Variants in MLIP observed in about 807,000 individuals in gnomAD.
The protein encoded by MLIP is muscular LMNA interacting protein.
Under a neutral mutation model 84.8 loss-of-function variants are expected in MLIP, and 79 were observed. The ratio of observed to expected loss-of-function variants is 0.93; its 90% CI spans 0.78 to 1.12. The LOEUF (loss-of-function observed/expected upper bound fraction) is 1.12. Among genes scored for constraint, MLIP ranks in the 50% most tolerant of loss-of-function variants. MLIP has a pLI of 0.00. For synonymous variants in MLIP, 504 were observed against 463.0 expected, an observed-to-expected ratio of 1.09 and a Z score of -1.14; for missense variants, 1,257 against 1,160.6, an observed-to-expected ratio of 1.08 and a Z score of -1.21.
At position 54,139,610 on chromosome 6, in the gene MLIP, A is replaced by C. The variant is rs145507536; in HGVS notation, c.2217+1324A>C. Among the ~76,000 whole-genome samples, 407 of 152,294 alleles carry C rather than the reference A, an allele frequency of 2.7e-3. 3 individuals carry two copies. The highest frequency in any genetic ancestry group is 9.4e-3 in the African/African-American group (389 of 41,572). On this transcript the variant is annotated intron_variant, in intron 4 of 13. Coordinates refer to ENST00000502396, the MANE Select transcript of MLIP (RefSeq NM_001281747.2). ...AGTATACAAAATAGTTGAAAAATTA[A>C]TTAAAATGGATTACATCAGTTAAGT...
chr6:54,240,733 T>C (rs1325769002), intron 12 of MLIP, among the ~76,000 whole-genome samples: 2 of 152,118 alleles, frequency 1.3e-5, no homozygotes, highest in Admixed American at 1.3e-4. Flanking sequence ...TCCCAGCACT[T>C]TGGGAGGCTG....
intron 1 of MLIP, among the ~76,000 whole-genome samples, chr6:54,020,901 A>T (rs2150259322): frequency 6.6e-6 from 1 of 152,324 alleles, no homozygotes; most frequent in East Asian, 1.9e-4. Context: ...AACACATGAA[A>T]GCCCAGTGTC....
intron 3 of MLIP, among the ~76,000 whole-genome samples, chr6:54,132,143 G>C (rs1771433224): frequency 6.6e-6 from 1 of 152,106 alleles, no homozygotes; most frequent in Non-Finnish European, 1.5e-5. Context: ...CAAGTCATTT[G>C]GCTATCCAGA....
intron 11 of MLIP, among the ~76,000 whole-genome samples, chr6:54,208,692 G>A (rs1448138899): frequency 6.6e-6 from 1 of 152,188 alleles, no homozygotes; most frequent in African/African-American, 2.4e-5. Context: ...GACAAGATTA[G>A]CCTGTGTATA....
At chr6:54,242,291 G>A (rs780857771) in intron 12 of MLIP, among the ~76,000 whole-genome samples, 1 of 152,160 alleles carries the variant, frequency 6.6e-6, no homozygotes, top group African/African-American at 2.4e-5. Flanking sequence ...ATTGAAGGTT[G>A]ACTTTCCTTG....
At chr6:54,173,439 A>G (rs905862031) in intron 9 of MLIP, among the ~76,000 whole-genome samples, 7 of 151,930 alleles carry the variant, frequency 4.6e-5, no homozygotes, top group Non-Finnish European at 1.0e-4. Flanking sequence ...CTAAAATGAT[A>G]GTGATTTGCT....
intron 1 of MLIP, among the ~76,000 whole-genome samples, chr6:54,076,197 A>C (rs1473459904): frequency 6.6e-6 from 1 of 152,226 alleles, no homozygotes; most frequent in Non-Finnish European, 1.5e-5. Context: ...ATGAGCCGAA[A>C]TCAATAGATG....
intron 1 of MLIP, among the ~76,000 whole-genome samples, chr6:54,106,341 C>T (rs1288401538): frequency 6.6e-6 from 1 of 152,104 alleles, no homozygotes; most frequent in African/African-American, 2.4e-5. Flanking sequence ...ACAGTTACAG[C>T]ACTCCCAGCA....
chr6:54,198,674 G>A (rs193127963), intron 10 of MLIP, among the ~76,000 whole-genome samples: 1 of 152,226 alleles, frequency 6.6e-6, no homozygotes, highest in East Asian at 1.9e-4. Context: ...GGTCTACACA[G>A]GTTGAATGGC....
chr6:54,109,916 T>TTCCTTCCTTCCTTCCTTCCTTC (rs1769300884), upstream of MLIP, among the ~76,000 whole-genome samples: 1 of 78,226 alleles, frequency 1.3e-5, no homozygotes, highest in Non-Finnish European at 2.8e-5. Context: ...TCTTTTTCTT[T>TTCCTTCCTTCCTTCCTTCCTTC]CTTTCTTTCT....
intron 1 of MLIP, among the ~76,000 whole-genome samples, chr6:54,061,183 T>C (rs936586877): frequency 3.3e-5 from 5 of 152,150 alleles, no homozygotes; most frequent in Non-Finnish European, 7.3e-5. Flanking sequence ...TTACTTGCTT[T>C]TGCTGTGCAA....
chr6:54,154,303 A>C (rs9395908), intron 5 of MLIP, among the ~76,000 whole-genome samples: 67,564 of 152,012 alleles, frequency 0.44, 16,706 homozygotes, highest in African/African-American at 0.67. Context: ...ATCAAAACAA[A>C]AATAGCAAAG....
At chr6:54,244,649 G>A (rs926370445) in intron 12 of MLIP, among the ~76,000 whole-genome samples, 1 of 152,168 alleles carries the variant, frequency 6.6e-6, no homozygotes, top group African/African-American at 2.4e-5. Context: ...CTTAATGACA[G>A]GCTGGAATTT....
chr6:54,265,438 C>G (rs897404404), intron 13 of MLIP, among the ~76,000 whole-genome samples: 15 of 152,048 alleles, frequency 9.9e-5, no homozygotes, highest in African/African-American at 3.4e-4. Context: ...TCAAGCAAAT[C>G]AATATATGAA....
At chr6:54,060,403 A>G (rs1382352665) in intron 1 of MLIP, among the ~76,000 whole-genome samples, 2 of 152,208 alleles carry the variant, frequency 1.3e-5, no homozygotes, top group African/African-American at 4.8e-5. Context: ...TTGGCCTTTC[A>G]CTGTTACAAC....
intron 1 of MLIP, among the ~76,000 whole-genome samples, chr6:54,074,961 A>T (rs919793838): frequency 6.6e-6 from 1 of 152,082 alleles, no homozygotes; most frequent in Non-Finnish European, 1.5e-5. Context: ...GAGAAAAAAA[A>T]TTCCTGGCCA....
In MLIP at chr6:54,218,774, C is replaced by T. The variant is rs549008317; in HGVS notation, c.2719-11940C>T. 6.0e-4 allele frequency among the ~76,000 whole-genome samples: 91 copies of T among 152,116 alleles called. 3 individuals are homozygous for T. In the South Asian group the frequency reaches 0.018, roughly 30 times the overall value. ...CAGGTGATCTGCCCACCTCAGCCTC[C>T]CAAAGTACTGGGATTACAGGTGTGA... On this transcript the variant is annotated intron_variant, in intron 11 of 13. Transcript: ENST00000502396.
intron 1 of MLIP, among the ~76,000 whole-genome samples, chr6:54,053,012 C>T (rs1459352746): frequency 3.9e-5 from 6 of 152,190 alleles, no homozygotes; most frequent in Non-Finnish European, 4.4e-5. Flanking sequence ...CATTTCAGAG[C>T]ATTGTTGACT....
intron 1 of MLIP, among the ~76,000 whole-genome samples, chr6:54,058,286 G>T (rs1765774110): frequency 6.6e-6 from 1 of 152,172 alleles, no homozygotes; most frequent in Non-Finnish European, 1.5e-5. Flanking sequence ...GTCAGACTTT[G>T]TGTTAGATAC....
Sources: allele counts gnomAD v4.1 joint callset (sites outside exome capture counted in the v4.1 genomes callset), GRCh38; gene constraint gnomAD v4.1.1; transcripts MANE v1.5; gene names NCBI Gene and HGNC (gene_info 2026-07-23, HGNC 2026-07-21).